NELL2: variants seen among roughly 807,000 people sequenced by gnomAD.
NELL2 encodes neural EGFL like 2, also known as protein kinase C-binding protein NELL2.
In NELL2, 41 loss-of-function variants were observed where a neutral mutation model predicts 109.6. The observed-to-expected ratio is 0.37, with a 90% CI of 0.29 to 0.49. NELL2 has a LOEUF of 0.49. NELL2 is among the 20% of genes least tolerant of loss of function. NELL2 has a pLI of 0.98. For synonymous variants in NELL2, 355 were observed against 344.7 expected (o/e 1.03, Z -0.33); for missense variants, 900 against 1,008.3 (o/e 0.89, Z 1.45).
chr12:44,783,340 A>G (rs1313923888), intron 3 of NELL2, among the ~76,000 whole-genome samples: 4 of 151,812 alleles, frequency 2.6e-5, no homozygotes, highest in Admixed American at 6.6e-5. Context: ...GGAAGGGCAA[A>G]ATAAACACAA....
At position 44,645,146 on chromosome 12, in the gene NELL2, T is replaced by C. The variant is rs183389232; in HGVS notation, c.1444+20338A>G. On this transcript the variant is annotated intron_variant, in intron 13 of 19. Coordinates refer to ENST00000429094, the MANE Select transcript of NELL2 (RefSeq NM_001145108.2). ...CTAGGAAATAAGAGGTCAATGCGAC[T>C]AAATATGAGAAGCAAGACATCAAGT... 3.9e-5 allele frequency among the ~76,000 whole-genome samples: 6 copies of C among 152,134 alleles called. No individual in the cohort carries two copies. The East Asian group carries it at 1.2e-3, about 29-fold the overall frequency.
intron 9 of NELL2, among the ~76,000 whole-genome samples, chr12:44,735,308 C>G (rs1364290969): frequency 6.6e-6 from 1 of 152,058 alleles, no homozygotes; most frequent in Non-Finnish European, 1.5e-5. Context: ...AAAAAGAAAC[C>G]ATATTTCTAA....
chr12:44,910,427 A>G (rs1468536241), intron 1 of NELL2, among the ~76,000 whole-genome samples: 1 of 152,048 alleles, frequency 6.6e-6, no homozygotes, highest in African/African-American at 2.4e-5. Context: ...ATCTCACACT[A>G]GAAAGGCTAT....
intron 2 of NELL2, among the ~76,000 whole-genome samples, chr12:44,829,289 C>T (rs1943812559): frequency 1.3e-5 from 2 of 152,188 alleles, no homozygotes; most frequent in South Asian, 4.1e-4. Flanking sequence ...CTGCCTTCCA[C>T]TGTTGATCCC....
chr12:44,595,003 T>C (rs1944902917), intron 15 of NELL2, among the ~76,000 whole-genome samples: 1 of 152,194 alleles, frequency 6.6e-6, no homozygotes, highest in Non-Finnish European at 1.5e-5. Flanking sequence ...GCCCACTCAG[T>C]AATGTTTAGA....
chr12:44,719,157 TAGG>T (rs1448463695), intron 9 of NELL2, among the ~76,000 whole-genome samples: 5 of 152,118 alleles, frequency 3.3e-5, no homozygotes, highest in Non-Finnish European at 5.9e-5. Flanking sequence ...TAACAGCAAA[TAGG>T]AGCCAAGAGA....
chr12:44,601,095 A>T (rs1293610831), intron 15 of NELL2, among the ~76,000 whole-genome samples: 1 of 152,166 alleles, frequency 6.6e-6, no homozygotes, highest in Non-Finnish European at 1.5e-5. Context: ...TTCCCAACTA[A>T]TTCCACTTGG....
chr12:44,560,424 C>T (rs1420467591), intron 15 of NELL2, among the ~76,000 whole-genome samples: 10 of 151,930 alleles, frequency 6.6e-5, no homozygotes, highest in Non-Finnish European at 1.5e-4. Context: ...AATAGATAGA[C>T]TGCTAGCTAG....
chr12:44,585,467 TG>T (rs974765070), intron 15 of NELL2, among the ~76,000 whole-genome samples: 1 of 151,920 alleles, frequency 6.6e-6, no homozygotes, highest in Admixed American at 6.6e-5. Flanking sequence ...CTGGGTGTGG[TG>T]GTGGGGGCCT....
chr12:44,756,317 C>T (rs1566320462), intron 9 of NELL2, among the ~76,000 whole-genome samples: 1 of 152,030 alleles, frequency 6.6e-6, no homozygotes, highest in Non-Finnish European at 1.5e-5. Context: ...CCTTATCTCT[C>T]ATTTTCTCTC....
intron 2 of NELL2, among the ~76,000 whole-genome samples, chr12:44,828,455 T>C (rs932221051): frequency 6.6e-6 from 1 of 152,190 alleles, no homozygotes; most frequent in African/African-American, 2.4e-5. Flanking sequence ...CTAATTACAA[T>C]TTGATTCAAT....
chr12:44,862,383 T>C (rs971668062), intron 2 of NELL2, among the ~76,000 whole-genome samples: 1 of 152,164 alleles, frequency 6.6e-6, no homozygotes, highest in African/African-American at 2.4e-5. Flanking sequence ...TTGCTGAAAA[T>C]GTCAAATCCT....
At chr12:44,869,557 G>A (rs1386816703) in intron 2 of NELL2, among the ~76,000 whole-genome samples, 1 of 152,034 alleles carries the variant, frequency 6.6e-6, no homozygotes, top group African/African-American at 2.4e-5. Context: ...TAAGAACCTT[G>A]TAGATCTCCC....
At chr12:44,851,005 C>A (rs1389911433) in intron 2 of NELL2, among the ~76,000 whole-genome samples, 1 of 152,160 alleles carries the variant, frequency 6.6e-6, no homozygotes, top group Non-Finnish European at 1.5e-5. Flanking sequence ...GATTCTCTTA[C>A]ACACAGTATA....
At chr12:44,824,087 T>C (rs75425888) in intron 2 of NELL2, among the ~76,000 whole-genome samples, 128 of 152,346 alleles carry the variant, frequency 8.4e-4, no homozygotes, top group African/African-American at 3.0e-3. Flanking sequence ...AGGTTATTTG[T>C]TTTCTTGCTA....
intron 19 of NELL2, among the ~76,000 whole-genome samples, chr12:44,511,534 T>C (rs1941002804): frequency 1.3e-5 from 2 of 152,160 alleles, no homozygotes. Flanking sequence ...AGAGGACAGC[T>C]TGGGAGTTGT....
chr12:44,705,321 A>C (rs1229150543), intron 11 of NELL2, among the ~76,000 whole-genome samples: 1 of 152,166 alleles, frequency 6.6e-6, no homozygotes, highest in African/African-American at 2.4e-5. Context: ...AAAATAATCA[A>C]ATGACTCAGT....
intron 1 of NELL2, among the ~76,000 whole-genome samples, chr12:44,891,051 A>C (rs1945528018): frequency 6.6e-6 from 1 of 152,074 alleles, no homozygotes; most frequent in Non-Finnish European, 1.5e-5. Context: ...TTTCATTATG[A>C]CTACTAGTAG....
intron 9 of NELL2, among the ~76,000 whole-genome samples, chr12:44,756,157 A>C (rs1415947315): frequency 6.6e-6 from 1 of 151,846 alleles, no homozygotes; most frequent in Admixed American, 6.6e-5. Flanking sequence ...ATATCCATCC[A>C]TTTCTCCCTC....
Sources: gnomAD v4.1 joint callset for allele counts (sites outside exome capture counted in the v4.1 genomes callset) on GRCh38, gnomAD v4.1.1 for gene constraint, MANE v1.5 for transcripts, NCBI Gene and HGNC (gene_info 2026-07-23, HGNC 2026-07-21) for gene names.